The following EXT1 variants were observed in gnomAD, a reference collection of about 807,000 sequenced individuals.
The protein encoded by EXT1 is exostosin-1.
EXT1 carries 20 observed loss-of-function variants against 82.5 expected under a neutral mutation model. The ratio of observed to expected loss-of-function variants is 0.24; its 90% CI spans 0.17 to 0.35. EXT1 has a LOEUF of 0.35. Among genes scored for constraint, EXT1 ranks in the 10% least tolerant of loss-of-function variants. The probability of loss-of-function intolerance (pLI) is 1.00; values close to 1 mark genes in which losing one functional copy is unlikely to be tolerated. For missense variants in EXT1, 757 were observed against 936.5 expected, an observed-to-expected ratio of 0.81 and a Z score of 2.50; for synonymous variants, 348 against 350.8, an observed-to-expected ratio of 0.99 and a Z score of 0.09.
chr8:118,010,686 A>AC, intron 1 of EXT1, among the ~76,000 whole-genome samples: 1 of 152,274 alleles, frequency 6.6e-6, no homozygotes, highest in African/African-American at 2.4e-5. Context: ...GGCTCCCAGT[A>AC]CCCTGGGCTG....
intron 1 of EXT1, among the ~76,000 whole-genome samples, chr8:117,948,969 A>G (rs1042337812): frequency 3.3e-5 from 5 of 152,228 alleles, no homozygotes; most frequent in African/African-American, 9.6e-5. Flanking sequence ...TTTGTTCTCA[A>G]TTAATAGAGA....
In EXT1 at chr8:117,795,347, G is replaced by GGAGAGAT. The variant is rs1429530371; in HGVS notation, c.*4358_*4364dup. Reference sequence around the variant, plus strand: ...TTGATTTTTGGAAAGGGCAAAAAGGGGAGAGATGGTTTTGAGGAGTCAAAT... The same window carrying GGAGAGAT: ...TTGATTTTTGGAAAGGGCAAAAAGGGGAGAGATGAGAGATGGTTTTGAGGAGTCAAAT... On this transcript the variant is annotated 3_prime_UTR_variant, in exon 11 of 11. Transcript: ENST00000378204. The GGAGAGAT allele has an allele frequency of 3.3e-5, 5 of 152,118 alleles. No individual in the cohort carries two copies. Among genetic ancestry groups the GGAGAGAT allele is most frequent in the African/African-American group, 1.2e-4 (5 of 41,406 alleles). The allele number at this position is 152,118 out of a possible 1,614,324, so 9.4% of individuals were successfully genotyped here. A position where few individuals can be genotyped will look rare whatever the true frequency, so the allele number is the denominator to read the frequency against.
At chr8:117,950,765 A>G (rs1297991436) in intron 1 of EXT1, among the ~76,000 whole-genome samples, 1 of 152,212 alleles carries the variant, frequency 6.6e-6, no homozygotes, top group African/African-American at 2.4e-5. Flanking sequence ...AAATGTACAC[A>G]AAGATGTTAT....
chr8:117,936,346 T>A (rs1224212274), intron 1 of EXT1, among the ~76,000 whole-genome samples: 1 of 152,184 alleles, frequency 6.6e-6, no homozygotes, highest in East Asian at 1.9e-4. Context: ...ACTTTGTGAG[T>A]CAAATAAATT....
chr8:117,895,528 C>T (rs776558790), intron 1 of EXT1, among the ~76,000 whole-genome samples: 3 of 152,242 alleles, frequency 2.0e-5, no homozygotes, highest in Non-Finnish European at 2.9e-5. Flanking sequence ...AACAACTTCA[C>T]GCAAGACTGA....
At chr8:117,866,315 C>T (rs929365849) in intron 1 of EXT1, among the ~76,000 whole-genome samples, 23 of 152,152 alleles carry the variant, frequency 1.5e-4, no homozygotes, top group Non-Finnish European at 2.1e-4. Context: ...GACTTCACCT[C>T]AGAGATAACT....
intron 1 of EXT1, among the ~76,000 whole-genome samples, chr8:118,096,689 A>C: frequency 8.1e-6 from 1 of 123,270 alleles, no homozygotes. Flanking sequence ...GGAGGGAGGG[A>C]GGGAAGGAGG....
chr8:118,076,029 G>A (rs1192588387), intron 1 of EXT1, among the ~76,000 whole-genome samples: 1 of 152,158 alleles, frequency 6.6e-6, no homozygotes, highest in Non-Finnish European at 1.5e-5. Flanking sequence ...GTTATGCTTT[G>A]GATAGGGAGT....
intron 1 of EXT1, among the ~76,000 whole-genome samples, chr8:118,090,104 A>G (rs985607788): frequency 1.3e-5 from 2 of 152,140 alleles, no homozygotes; most frequent in Non-Finnish European, 2.9e-5. Context: ...TCTGCAGAGA[A>G]GTGTCAACCA....
At chr8:118,075,937 G>A (rs926520098) in intron 1 of EXT1, among the ~76,000 whole-genome samples, 4 of 151,856 alleles carry the variant, frequency 2.6e-5, no homozygotes, top group Admixed American at 1.3e-4. Flanking sequence ...CCAACATTGG[G>A]GATTACATCT....
intron 1 of EXT1, among the ~76,000 whole-genome samples, chr8:117,991,723 A>G (rs1357894080): frequency 1.3e-5 from 2 of 151,966 alleles, no homozygotes; most frequent in Non-Finnish European, 2.9e-5. Context: ...CACCACACCC[A>G]ACTAATTTTT....
intron 1 of EXT1, among the ~76,000 whole-genome samples, chr8:118,021,498 T>A (rs2129857990): frequency 6.6e-6 from 1 of 152,354 alleles, no homozygotes; most frequent in South Asian, 2.1e-4. Context: ...GGTACTGAGA[T>A]ATAAGCACTG....
At chr8:117,920,981 T>C (rs562412904) in intron 1 of EXT1, among the ~76,000 whole-genome samples, 2 of 152,336 alleles carry the variant, frequency 1.3e-5, no homozygotes, top group Non-Finnish European at 2.9e-5. Flanking sequence ...AGGATGTACA[T>C]TTGGAACAAG....
At chr8:117,940,879 T>C (rs1814259130) in intron 1 of EXT1, among the ~76,000 whole-genome samples, 1 of 152,090 alleles carries the variant, frequency 6.6e-6, no homozygotes, top group Admixed American at 6.6e-5. Context: ...GCAGGGGAAA[T>C]GCCTGGGTAA....
chr8:117,804,927 C>T (rs751074957), intron 9 of EXT1, 34 bp from the exon 10 acceptor site: 2 of 1,608,388 alleles, frequency 1.2e-6, no homozygotes, highest in South Asian at 2.2e-5. Context: ...CACAGGGGGC[C>T]ATTATCACAT....
intron 1 of EXT1, among the ~76,000 whole-genome samples, chr8:118,078,189 CTGTT>C (rs1817244092): frequency 6.6e-6 from 1 of 151,934 alleles, no homozygotes. Context: ...CAGATTTTTC[CTGTT>C]TATTTTTATT....
At chr8:117,871,206 C>T (rs1044235242) in intron 1 of EXT1, among the ~76,000 whole-genome samples, 2 of 152,168 alleles carry the variant, frequency 1.3e-5, no homozygotes, top group East Asian at 1.9e-4. Context: ...AAAAAATCAA[C>T]CCTAATAGTG....
In EXT1 at chr8:117,799,397, T is replaced by C; in HGVS notation, c.*315A>G. 2 of 345,242 alleles carry C rather than the reference T, an allele frequency of 5.8e-6. No homozygotes were observed. The highest frequency in any genetic ancestry group is 1.1e-5 in the Non-Finnish European group (2 of 186,064). The allele number at this position is 345,242 out of a possible 1,614,324, so 21.4% of individuals were successfully genotyped here. A position where few individuals can be genotyped will look rare whatever the true frequency, so the allele number is the denominator to read the frequency against. On this transcript the variant is annotated 3_prime_UTR_variant, in exon 11 of 11. Coordinates refer to ENST00000378204, the MANE Select transcript of EXT1 (RefSeq NM_000127.3). Reference sequence around the variant, plus strand: ...AACAAAGAACTCTGGTTTTTAATAGTTTTGATCATTAAAAAAGTTTAAACC... The same window carrying C: ...AACAAAGAACTCTGGTTTTTAATAGCTTTGATCATTAAAAAAGTTTAAACC...
At chr8:118,003,807 C>A (rs1398259254) in intron 1 of EXT1, among the ~76,000 whole-genome samples, 1 of 152,178 alleles carries the variant, frequency 6.6e-6, no homozygotes, top group Non-Finnish European at 1.5e-5. Flanking sequence ...TAAAATTGAC[C>A]TCCAGCATGG....
Sources: allele counts gnomAD v4.1 joint callset (sites outside exome capture counted in the v4.1 genomes callset), GRCh38; gene constraint gnomAD v4.1.1; transcripts MANE v1.5; gene names NCBI Gene and HGNC (gene_info 2026-07-23, HGNC 2026-07-21).